TUSC3: variants seen among roughly 807,000 people sequenced by gnomAD.
The protein encoded by TUSC3 is tumor suppressor candidate 3, also known as dolichyl-diphosphooligosaccharide--protein glycosyltransferase subunit TUSC3.
TUSC3 carries 45 observed loss-of-function variants against 44.8 expected under a neutral mutation model. The ratio of observed to expected loss-of-function variants is 1.00; its 90% CI spans 0.79 to 1.29. TUSC3 has a LOEUF of 1.29. Among genes scored for constraint, TUSC3 ranks in the 50% most tolerant of loss-of-function variants. The pLI is 0.00. For missense variants in TUSC3, 519 were observed against 437.9 expected, an observed-to-expected ratio of 1.19 and a Z score of -1.65; for synonymous variants, 212 against 152.9, an observed-to-expected ratio of 1.39 and a Z score of -2.85.
the TUSC3 span, among the ~76,000 whole-genome samples, chr8:15,841,167 T>TTATATATATATATA: frequency 6.7e-6 from 1 of 149,902 alleles, no homozygotes; most frequent in Non-Finnish European, 1.5e-5. Context: ...GCTATATGTT[T>TTATATATATATATA]TATATATATA....
rs867304430 is a variant in TUSC3 at position 15,581,893 on chromosome 8, C to T, written c.139-41187C>T. Among the ~76,000 whole-genome samples the T allele has an allele frequency of 3.7e-3, 518 of 139,570 alleles. 5 individuals are homozygous for T. The highest frequency in any genetic ancestry group is 5.9e-3 in the Non-Finnish European group (389 of 65,570). The allele number at this position is 139,570 out of a possible 152,430, so 91.6% of individuals were successfully genotyped here. A position where few individuals can be genotyped will look rare whatever the true frequency, so the allele number is the denominator to read the frequency against. ...CTAATCAAGCCTGGGCAATGGCGGGCGCCCCTCCCCCAGCCTCGCTGCCGC... is the reference window on the plus strand; with the variant it reads ...CTAATCAAGCCTGGGCAATGGCGGGTGCCCCTCCCCCAGCCTCGCTGCCGC... On this transcript the variant is annotated intron_variant, in intron 1 of 10. Transcript: ENST00000503731.
chr8:15,424,053 C>G lies in TUSC3; in HGVS notation n.91+6748C>G, dbSNP rs147731785. ...TTGCCCATGCTGGAGTGCACTGGTG[C>G]TATCTTGGCTCACTGCAACCTCTAC... On this transcript the variant is annotated intron_variant and non_coding_transcript_variant, in intron 1 of 5. Coordinates refer to the TUSC3 transcript ENST00000503191. Among the ~76,000 whole-genome samples the G allele has an allele frequency of 1.3e-3, 153 of 121,714 alleles. 1 individual carries two copies. The highest frequency in any genetic ancestry group is 9.8e-3 in the East Asian group (34 of 3,462). The allele number at this position is 121,714 out of a possible 152,430, so 79.8% of individuals were successfully genotyped here. A position where few individuals can be genotyped will look rare whatever the true frequency, so the allele number is the denominator to read the frequency against.
chr8:15,695,427 C>T (rs1340856975), intron 6 of TUSC3, among the ~76,000 whole-genome samples: 1 of 152,164 alleles, frequency 6.6e-6, no homozygotes, highest in Non-Finnish European at 1.5e-5. Context: ...TGAGGCCTTG[C>T]CAGTCACATG....
Position 15,662,263 on chromosome 8 carries a change from C to G in TUSC3, c.675C>G (p.Ile225Met), listed in dbSNP as rs764840600. 5.6e-6 allele frequency: 9 copies of G among 1,612,910 alleles called. No individual in the cohort carries two copies. Among genetic ancestry groups the G allele is most frequent in the East Asian group, 4.5e-5 (2 of 44,860 alleles). Residue 225 changes from isoleucine (I) to methionine (M), a missense_variant, in exon 5 of 11, where the codon ATC becomes ATG. Coordinates refer to ENST00000503731, the MANE Select transcript of TUSC3 (RefSeq NM_006765.4). ...TGAGAAGGAACAACTTGGAGTTCATCTATAACAAGACTGGTTGGGCCATGG... is the reference window on the plus strand; with the variant it reads ...TGAGAAGGAACAACTTGGAGTTCATGTATAACAAGACTGGTTGGGCCATGG... ...LYLRRNNLEF[I>M]YNKTGWAMVS...
intron 2 of TUSC3, among the ~76,000 whole-genome samples, chr8:15,510,863 G>C (rs1003515801): frequency 2.6e-5 from 4 of 152,094 alleles, no homozygotes; most frequent in African/African-American, 9.7e-5. Flanking sequence ...ACAGTGTATG[G>C]AATCACTTTA....
chr8:15,646,804 G>C (rs1333402466), intron 2 of TUSC3, among the ~76,000 whole-genome samples: 1 of 152,068 alleles, frequency 6.6e-6, no homozygotes, highest in Non-Finnish European at 1.5e-5. Context: ...TTAAAAAATA[G>C]CTGTAAATGT....
At chr8:15,550,962 T>G (rs896591955) in intron 1 of TUSC3, among the ~76,000 whole-genome samples, 1 of 151,742 alleles carries the variant, frequency 6.6e-6, no homozygotes, top group Non-Finnish European at 1.5e-5. Flanking sequence ...TGAAATAAAA[T>G]GGTAACTTAC....
chr8:15,424,076 T>C (rs191193561), intron 1 of TUSC3, among the ~76,000 whole-genome samples: 9 of 139,094 alleles, frequency 6.5e-5, no homozygotes, highest in African/African-American at 2.0e-4. Flanking sequence ...CTGCAACCTC[T>C]ACCTCCTGGG....
chr8:15,508,540 C>A lies in TUSC3; in HGVS notation n.189+25057C>A, dbSNP rs542042436. ...GCAGTGGCGCCATCTCGGCTCAGTG[C>A]AAGCTCCGCCTCCCGGGTTCGTGCC... On this transcript the variant is annotated intron_variant and non_coding_transcript_variant, in intron 2 of 5. Transcript: ENST00000503191. 1.4e-4 allele frequency among the ~76,000 whole-genome samples: 18 copies of A among 130,204 alleles called. No homozygotes were observed. In the South Asian group the frequency reaches 4.7e-3, roughly 34 times the overall value. The allele number at this position is 130,204 out of a possible 152,430, so 85.4% of individuals were successfully genotyped here. A position where few individuals can be genotyped will look rare whatever the true frequency, so the allele number is the denominator to read the frequency against.
At chr8:15,662,489 C>T (rs890518364) in intron 5 of TUSC3, among the ~76,000 whole-genome samples, 193 bp downstream of exon 5, 2 of 39,192 alleles carry the variant, frequency 5.1e-5, no homozygotes, top group Non-Finnish European at 1.3e-4. Flanking sequence ...TTCAACTTTT[C>T]ACTGCATGTA....
intron 6 of TUSC3, among the ~76,000 whole-genome samples, chr8:15,677,151 C>T (rs779111911): frequency 1.3e-5 from 2 of 152,008 alleles, no homozygotes; most frequent in Non-Finnish European, 2.9e-5. Flanking sequence ...CTAAGTACCT[C>T]GGACACTGTG....
rs1253394467 is a variant in TUSC3, at chr8:15,739,122, C to T, written c.863-4416C>T. ...CTGGGATTACAGGCGTGAGCCACTGCGCCTGGCCTCTTGCTTTGTTATTAA... is the reference window on the plus strand; with the variant it reads ...CTGGGATTACAGGCGTGAGCCACTGTGCCTGGCCTCTTGCTTTGTTATTAA... On this transcript the variant is annotated intron_variant, in intron 7 of 10. Transcript: ENST00000503731. Among the ~76,000 whole-genome samples the T allele has an allele frequency of 3.3e-5, 5 of 152,000 alleles. No individual in the cohort carries two copies. The East Asian group carries it at 5.8e-4, about 18-fold the overall frequency.
At chr8:15,726,970 G>A (rs1191792246) in intron 6 of TUSC3, among the ~76,000 whole-genome samples, 3 of 152,140 alleles carry the variant, frequency 2.0e-5, no homozygotes, top group East Asian at 3.9e-4. Flanking sequence ...ATCTGAAAAT[G>A]CATTGCCCTT....
At chr8:15,637,817 G>A (rs1212512523) in intron 2 of TUSC3, among the ~76,000 whole-genome samples, 1 of 151,794 alleles carries the variant, frequency 6.6e-6, no homozygotes, top group Non-Finnish European at 1.5e-5. Context: ...TTTCTCCCCC[G>A]CTCACTTCTT....
intron 6 of TUSC3, among the ~76,000 whole-genome samples, chr8:15,685,813 A>G (rs1808603444): frequency 6.6e-6 from 1 of 152,154 alleles, no homozygotes; most frequent in East Asian, 1.9e-4. Flanking sequence ...TGACAAGCTT[A>G]GTAAAAGACA....
At chr8:15,515,359 A>G (rs17121565) in intron 2 of TUSC3, among the ~76,000 whole-genome samples, 6,030 of 152,252 alleles carry the variant, frequency 0.04, 371 homozygotes, top group African/African-American at 0.14. Context: ...GGTCCACTGA[A>G]GAATGAAGAC....
the TUSC3 span, chr8:15,806,172 G>C: frequency 8.3e-6 from 4 of 481,112 alleles, no homozygotes; most frequent in African/African-American, 2.0e-5. Context: ...AGTTGATGTG[G>C]AGTCACTGTC....
Position 15,744,994 on chromosome 8 carries a change from A to G in TUSC3, c.937+1382A>G, listed in dbSNP as rs2543151. 5.9e-3 allele frequency among the ~76,000 whole-genome samples: 905 copies of G among 152,158 alleles called. 10 individuals are homozygous for G. The highest frequency in any genetic ancestry group is 0.02 in the African/African-American group (846 of 41,526). ...CGTGTCTGTTCTCATCTTTATGTTC[A>G]TATGTACACAATGTTTAGCTCCCAC... On this transcript the variant is annotated intron_variant, in intron 8 of 10. Coordinates refer to ENST00000503731, the MANE Select transcript of TUSC3 (RefSeq NM_006765.4).
At chr8:15,466,704 T>C (rs747459176) in intron 1 of TUSC3, among the ~76,000 whole-genome samples, 1 of 152,144 alleles carries the variant, frequency 6.6e-6, no homozygotes, top group Non-Finnish European at 1.5e-5. Context: ...TTTGAGATTT[T>C]CTTTAATTCC....
Sources: allele counts gnomAD v4.1 joint callset (sites outside exome capture counted in the v4.1 genomes callset), GRCh38; gene constraint gnomAD v4.1.1; transcripts MANE v1.5; gene names NCBI Gene and HGNC (gene_info 2026-07-23, HGNC 2026-07-21).